SPART: variants seen among roughly 807,000 people sequenced by gnomAD.
SPART encodes spastic paraplegia 20 (Troyer syndrome).
In SPART, 35 loss-of-function variants were observed where a neutral mutation model predicts 58.7. The observed-to-expected ratio is 0.60, with a 90% CI of 0.46 to 0.79. SPART has a LOEUF of 0.79. Among genes scored for constraint, SPART ranks in the 30% least tolerant of loss-of-function variants. The probability of loss-of-function intolerance (pLI) is 0.00; values close to 1 mark genes in which losing one functional copy is unlikely to be tolerated. For synonymous variants in SPART, 284 were observed against 280.7 expected (o/e 1.01, Z -0.12); for missense variants, 730 against 786.1 (o/e 0.93, Z 0.85).
chr13:36,312,217 T>C lies in SPART; in HGVS notation c.1661A>G (p.Gln554Arg). The C allele has an allele frequency of 6.2e-7, 1 of 1,614,192 alleles. No individual in the cohort carries two copies. The highest frequency in any genetic ancestry group is 1.1e-5 in the South Asian group (1 of 91,088). Residue 554 changes from glutamine to arginine, a missense_variant, in exon 8 of 9, where the codon CAA (glutamine) becomes CGA (arginine). By Grantham distance (43) the Gln-to-Arg change is conservative. Coordinates refer to ENST00000438666, the MANE Select transcript of SPART (RefSeq NM_015087.5). ...GCATTTAGCTGCACATTCCAATCCT[T>C]GCCAGACAGTTGAAAATCCTGTAAA... ...SSVQGFSTVW[Q>R]GLECAAKCIV...
intron 1 of SPART, among the ~76,000 whole-genome samples, chr13:36,352,437 G>T (rs562097003): frequency 6.6e-6 from 1 of 152,226 alleles, no homozygotes; most frequent in Non-Finnish European, 1.5e-5. Context: ...GTGGTGGAGT[G>T]GGATTTAAAA....
Position 36,331,635 on chromosome 13 carries a change from A to G in SPART, c.811-39T>C, listed in dbSNP as rs765192875. The G allele has an allele frequency of 2.6e-5, 36 of 1,385,740 alleles. No individual in the cohort carries two copies. In the East Asian group the frequency reaches 8.7e-4, roughly 34 times the overall value. 85.8% of individuals were successfully genotyped at this position (1,385,740 alleles called of 1,614,324 possible). A position where few individuals can be genotyped will look rare whatever the true frequency, so the allele number is the denominator to read the frequency against. The stretch of plus-strand genomic sequence containing the variant: ...TTAGAAGAAAAAAAATATACATATA[A>G]ATAAATGAAACTAGATTTTCATTTA... On this transcript the variant is annotated intron_variant, in intron 2 of 8. Transcript: ENST00000438666.
At chr13:36,333,429 A>ATAT (rs1555262864) in intron 2 of SPART, among the ~76,000 whole-genome samples, 2 of 132,320 alleles carry the variant, frequency 1.5e-5, no homozygotes, top group African/African-American at 3.1e-5. Flanking sequence ...TTATTATTGT[A>ATAT]TTTTTTTTTT....
chr13:36,304,347 G>A lies in SPART; in HGVS notation c.*18C>T, dbSNP rs1257602501. On this transcript the variant is annotated 3_prime_UTR_variant, in exon 9 of 9. Coordinates refer to ENST00000438666, the MANE Select transcript of SPART (RefSeq NM_015087.5). ...TCCATTTCATAAGGCTTTGGTATAA[G>A]TGATTCCCAGCACTTCATCATTTAT... 2.5e-6 allele frequency: 4 copies of A among 1,613,922 alleles called. No homozygotes were observed.
rs1484047317 is a variant in SPART, at chr13:36,304,319, T to G, written c.*46A>C. ...CCACATTTGCCTATTTAACAAAATT[T>G]CATCCATTTCATAAGGCTTTGGTAT... is the stretch of plus-strand genomic sequence containing the variant. On this transcript the variant is annotated 3_prime_UTR_variant, in exon 9 of 9. Transcript: ENST00000438666. 1 of 1,612,120 alleles carries G rather than the reference T, an allele frequency of 6.2e-7. No homozygotes were observed. The highest frequency in any genetic ancestry group is 8.5e-7 in the Non-Finnish European group (1 of 1,178,808).
At chr13:36,368,671 A>G (rs1178633785) in intron 1 of SPART, among the ~76,000 whole-genome samples, 2 of 152,220 alleles carry the variant, frequency 1.3e-5, no homozygotes, top group African/African-American at 4.8e-5. Context: ...ATCTTAATAT[A>G]TTACACTCTA....
At chr13:36,356,997 T>C (rs538729313) in intron 1 of SPART, among the ~76,000 whole-genome samples, 7 of 152,316 alleles carry the variant, frequency 4.6e-5, no homozygotes, top group Admixed American at 6.5e-5. Context: ...TCCCCACCAA[T>C]ATGTGAATGT....
chr13:36,302,289 C>T lies in SPART; in HGVS notation c.*2076G>A, dbSNP rs531073528. On this transcript the variant is annotated 3_prime_UTR_variant, in exon 9 of 9. Transcript: ENST00000438666. The stretch of plus-strand genomic sequence containing the variant: ...AAAAAAATCTTTAGAAGATGCCTAT[C>T]TCCTAATGAGTCAGTGAATGGTGGG... 144 of 152,216 alleles carry T rather than the reference C, an allele frequency of 9.5e-4. 1 individual carries two copies. Among genetic ancestry groups the T allele is most frequent in the African/African-American group, 3.3e-3 (138 of 41,540 alleles). The allele number at this position is 152,216 out of a possible 1,614,324, so 9.4% of individuals were successfully genotyped here. A position where few individuals can be genotyped will look rare whatever the true frequency, so the allele number is the denominator to read the frequency against.
intron 4 of SPART, 22 bp downstream of exon 4, chr13:36,329,340 C>T: frequency 1.9e-6 from 3 of 1,613,172 alleles, no homozygotes; most frequent in Non-Finnish European, 2.5e-6. Flanking sequence ...ACAACACACA[C>T]ACTTATTACT....
At chr13:36,312,811 C>G (rs1296196404) in intron 6 of SPART, among the ~76,000 whole-genome samples, 2 of 151,936 alleles carry the variant, frequency 1.3e-5, no homozygotes, top group Non-Finnish European at 2.9e-5. Context: ...TATAACCTTG[C>G]CTCTCAGATA....
In SPART at chr13:36,335,266, TTCCATAGGA is replaced by T; in HGVS notation, c.556_564del (p.Ser186_Gly188del). On this transcript the variant is annotated inframe_deletion, in exon 2 of 9. Transcript: ENST00000438666. ...ACTGATGAAAACTCCCCAGAATCTGTTCCATAGGATACAGTGTAGTGACCTTCAGCAGCT... is the reference window on the plus strand; with the variant it reads ...ACTGATGAAAACTCCCCAGAATCTGTTACAGTGTAGTGACCTTCAGCAGCT... 1 of 1,614,118 alleles carries T rather than the reference TTCCATAGGA, an allele frequency of 6.2e-7. No homozygotes were observed. Among genetic ancestry groups the T allele is most frequent in the Admixed American group, 1.7e-5 (1 of 60,014 alleles).
intron 6 of SPART, among the ~76,000 whole-genome samples, chr13:36,313,717 G>A (rs527823720): frequency 4.0e-4 from 61 of 152,152 alleles, no homozygotes; most frequent in Non-Finnish European, 8.1e-4. Context: ...TTGTACTTAG[G>A]AGCAATAGGC....
intron 1 of SPART, among the ~76,000 whole-genome samples, chr13:36,363,739 T>C (rs1455352167): frequency 6.6e-6 from 1 of 151,594 alleles, no homozygotes; most frequent in African/African-American, 2.4e-5. Context: ...GTCTCAGCAG[T>C]GATAGTGTTG....
chr13:36,346,239 C>T lies in SPART; in HGVS notation c.-17G>A, dbSNP rs1191582760. 1 of 151,230 alleles carries T rather than the reference C, an allele frequency of 6.6e-6. No individual in the cohort carries two copies. The highest frequency in any genetic ancestry group is 1.5e-5 in the Non-Finnish European group (1 of 68,018). The allele number at this position is 151,230 out of a possible 1,614,324, so 9.4% of individuals were successfully genotyped here. On this transcript the variant is annotated 5_prime_UTR_variant, in exon 1 of 9. Coordinates refer to ENST00000438666, the MANE Select transcript of SPART (RefSeq NM_015087.5). The stretch of plus-strand genomic sequence containing the variant: ...CCGCGCCCCACCTGCGCCTTCCAGA[C>T]CTCGGGCGCCCCGGCGTTGCCTCGA...
At chr13:36,358,973 T>C (rs571659117) in intron 1 of SPART, among the ~76,000 whole-genome samples, 1 of 152,318 alleles carries the variant, frequency 6.6e-6, no homozygotes, top group Admixed American at 6.5e-5. Context: ...TTCTGCTGAC[T>C]GTTTTTTATT....
At chr13:36,359,936 A>AAAAAAC (rs1555266122) in intron 1 of SPART, among the ~76,000 whole-genome samples, 3 of 151,236 alleles carry the variant, frequency 2.0e-5, no homozygotes, top group African/African-American at 7.3e-5. Context: ...AAAAAAAAAA[A>AAAAAAC]AAAAAACACC....
At chr13:36,365,242 G>GA (rs1886010670) in intron 1 of SPART, among the ~76,000 whole-genome samples, 1 of 152,148 alleles carries the variant, frequency 6.6e-6, no homozygotes, top group Non-Finnish European at 1.5e-5. Context: ...GATGGTTAAA[G>GA]TAAAAAAAAA....
At chr13:36,358,232 G>A (rs1257775484) in intron 1 of SPART, among the ~76,000 whole-genome samples, 1 of 151,790 alleles carries the variant, frequency 6.6e-6, no homozygotes, top group Non-Finnish European at 1.5e-5. Flanking sequence ...TTGTTTTTTT[G>A]TTATTCAATC....
chr13:36,328,886 A>C (rs1883195327), intron 4 of SPART, among the ~76,000 whole-genome samples: 2 of 152,232 alleles, frequency 1.3e-5, no homozygotes, highest in African/African-American at 4.8e-5. Flanking sequence ...GAATATAGGA[A>C]GGCAGAGAAT....
Sources: gnomAD v4.1 joint callset for allele counts (sites outside exome capture counted in the v4.1 genomes callset) on GRCh38, gnomAD v4.1.1 for gene constraint, MANE v1.5 for transcripts, NCBI Gene and HGNC (gene_info 2026-07-23, HGNC 2026-07-21) for gene names.